Variants in KCNH7 observed in about 807,000 individuals in gnomAD.
KCNH7 encodes potassium voltage-gated channel subfamily H member 7.
Under a neutral mutation model 120.8 loss-of-function variants are expected in KCNH7, and 49 were observed. The ratio of observed to expected loss-of-function variants is 0.41; its 90% CI spans 0.32 to 0.51. KCNH7 has a LOEUF of 0.51. Ranked by LOEUF, KCNH7 falls within the 20% of genes least tolerant of loss-of-function variation. The probability of loss-of-function intolerance (pLI) is 0.38; values close to 1 mark genes in which losing one functional copy is unlikely to be tolerated. For synonymous variants in KCNH7, 547 were observed against 516.1 expected (o/e 1.06, Z -0.81); for missense variants, 1,097 against 1,446.6 (o/e 0.76, Z 3.92).
chr2:162,816,853 A>T (rs1035960671), intron 2 of KCNH7, among the ~76,000 whole-genome samples: 19 of 152,226 alleles, frequency 1.2e-4, no homozygotes, highest in South Asian at 8.3e-4. Context: ...AATGTTGAAA[A>T]TTTTTTTTAA....
At chr2:162,686,169 A>G (rs1267394562) in intron 2 of KCNH7, among the ~76,000 whole-genome samples, 1 of 152,140 alleles carries the variant, frequency 6.6e-6, no homozygotes, top group Non-Finnish European at 1.5e-5. Context: ...CTGTCATCCT[A>G]TATAGTTCTC....
rs544500816 is a variant in KCNH7, at chr2:162,718,687, TTTATA to T, written c.307+117845_307+117849del. 5.8e-4 allele frequency among the ~76,000 whole-genome samples: 89 copies of T among 152,140 alleles called. 1 individual carries two copies. The highest frequency in any genetic ancestry group is 2.1e-3 in the African/African-American group (88 of 41,550). ...GAATGGAACAACACTCATTTTGATA[TTTATA>T]TTATGATATATTTTATGTTTAAAAA... On this transcript the variant is annotated intron_variant, in intron 2 of 15. Transcript: ENST00000332142.
intron 2 of KCNH7, among the ~76,000 whole-genome samples, chr2:162,663,430 A>ATTT (rs1685036139): frequency 2.6e-5 from 4 of 152,176 alleles, no homozygotes; most frequent in African/African-American, 9.7e-5. Flanking sequence ...TGATTTACTA[A>ATTT]TGACAATAAA....
chr2:162,674,088 A>G (rs189337070), intron 2 of KCNH7, among the ~76,000 whole-genome samples: 3 of 152,028 alleles, frequency 2.0e-5, no homozygotes, highest in Admixed American at 2.0e-4. Flanking sequence ...ATGAATTGAA[A>G]AAGAAGAATT....
chr2:162,488,570 C>T lies in KCNH7; in HGVS notation c.1128+15873G>A, dbSNP rs190830221. Among the ~76,000 whole-genome samples the T allele has an allele frequency of 3.3e-4, 50 of 152,224 alleles. No homozygotes were observed. The East Asian group carries it at 8.5e-3, about 26-fold the overall frequency. ...ATCTTGTTCCAGATCTCTTTCCCTCCTAAAAGCTTATAAGTAACAAAACTT... is the reference window on the plus strand; with the variant it reads ...ATCTTGTTCCAGATCTCTTTCCCTCTTAAAAGCTTATAAGTAACAAAACTT... On this transcript the variant is annotated intron_variant, in intron 6 of 15. Coordinates refer to ENST00000332142, the MANE Select transcript of KCNH7 (RefSeq NM_033272.4).
At chr2:162,632,043 T>C (rs1683785819) in intron 2 of KCNH7, among the ~76,000 whole-genome samples, 1 of 151,692 alleles carries the variant, frequency 6.6e-6, no homozygotes, top group African/African-American at 2.4e-5. Flanking sequence ...AAAAGGAAGA[T>C]AAAAAAATGA....
rs1553511726 is a variant in KCNH7, at chr2:162,670,492, A to AAAAAAAAAAAAG, written c.308-133413_308-133412insCTTTTTTTTTTT. Among the ~76,000 whole-genome samples, 2 of 144,862 alleles carry AAAAAAAAAAAAG rather than the reference A, an allele frequency of 1.4e-5. 1 individual carries two copies. Among genetic ancestry groups the AAAAAAAAAAAAG allele is most frequent in the African/African-American group, 5.6e-5 (2 of 36,022 alleles). ...TGTCAAAAAAAAAAAAAAAAAAAAA[A>AAAAAAAAAAAAG]GAAAAATATTGACTGTATAAACAAT... On this transcript the variant is annotated intron_variant, in intron 2 of 15. Transcript: ENST00000332142.
intron 2 of KCNH7, among the ~76,000 whole-genome samples, chr2:162,602,717 T>C (rs1161522889): frequency 6.6e-6 from 1 of 152,090 alleles, no homozygotes; most frequent in Non-Finnish European, 1.5e-5. Context: ...ATAACTCCTA[T>C]GATCATTTCA....
chr2:162,508,574 C>A (rs1469397138), intron 5 of KCNH7, among the ~76,000 whole-genome samples: 1 of 151,372 alleles, frequency 6.6e-6, no homozygotes, highest in East Asian at 1.9e-4. Flanking sequence ...GGCTTAGATT[C>A]CTCTAAGCCC....
intron 9 of KCNH7, among the ~76,000 whole-genome samples, chr2:162,422,401 GC>G (rs1199776573): frequency 4.6e-5 from 7 of 152,146 alleles, no homozygotes; most frequent in African/African-American, 1.7e-4. Flanking sequence ...AAATATGAGT[GC>G]TTTTATTTTC....
At chr2:162,508,905 T>A (rs1405499293) in intron 5 of KCNH7, among the ~76,000 whole-genome samples, 1 of 151,268 alleles carries the variant, frequency 6.6e-6, no homozygotes, top group Non-Finnish European at 1.5e-5. Flanking sequence ...TAGAGGGAAA[T>A]AAGAGATTCA....
At chr2:162,613,505 A>C (rs1683038876) in intron 2 of KCNH7, among the ~76,000 whole-genome samples, 1 of 152,052 alleles carries the variant, frequency 6.6e-6, no homozygotes, top group African/African-American at 2.4e-5. Flanking sequence ...CTGTTGTTGC[A>C]GCCTGTTATT....
At chr2:162,789,577 T>C (rs1265233162) in intron 2 of KCNH7, among the ~76,000 whole-genome samples, 2 of 151,966 alleles carry the variant, frequency 1.3e-5, no homozygotes, top group African/African-American at 2.4e-5. Flanking sequence ...CTAGCACACA[T>C]AGAATGTTAT....
chr2:162,372,004 T>A lies in KCNH7; in HGVS notation c.3416A>T (p.Asn1139Ile), dbSNP rs769428413. Reference protein sequence around the residue: ...GVHLNTASEDNLTSLLKQDSD... With the variant: ...GVHLNTASEDILTSLLKQDSD... ...GTCTTGTTTTAAAAGTGAAGTCAAG[T>A]TGTCTTCTGAAGCTGTGTTCAGATG... Residue 1139 changes from asparagine to isoleucine, a missense_variant, in exon 16 of 16, where the codon AAC (asparagine) becomes ATC (isoleucine). Physicochemically the swap from Asn to Ile is moderately radical, Grantham distance 149. This residue lies in a region of KCNH7 where 406 missense variants were observed against 410.5 expected (regional missense o/e 0.99). Coordinates refer to ENST00000332142, the MANE Select transcript of KCNH7 (RefSeq NM_033272.4). 9 of 1,613,758 alleles carry A rather than the reference T, an allele frequency of 5.6e-6. No individual in the cohort carries two copies. The African/African-American group carries it at 1.1e-4, about 19-fold the overall frequency.
At chr2:162,726,691 A>G (rs1426583185) in intron 2 of KCNH7, among the ~76,000 whole-genome samples, 2 of 152,224 alleles carry the variant, frequency 1.3e-5, no homozygotes, top group African/African-American at 2.4e-5. Context: ...AAGTGCCAGG[A>G]TAACAGCCGT....
intron 5 of KCNH7, among the ~76,000 whole-genome samples, chr2:162,512,194 C>G (rs1409725879): frequency 1.3e-5 from 2 of 151,630 alleles, no homozygotes; most frequent in Admixed American, 1.3e-4. Flanking sequence ...AAGCTGAAAA[C>G]CATACCCCCT....
intron 7 of KCNH7, among the ~76,000 whole-genome samples, chr2:162,443,947 G>A (rs1688501914): frequency 6.6e-6 from 1 of 152,128 alleles, no homozygotes; most frequent in Non-Finnish European, 1.5e-5. Flanking sequence ...ATTTTCACTA[G>A]TGTTTCCTTC....
intron 2 of KCNH7, among the ~76,000 whole-genome samples, chr2:162,767,219 T>G (rs1682852162): frequency 6.6e-6 from 1 of 152,170 alleles, no homozygotes; most frequent in Non-Finnish European, 1.5e-5. Context: ...TAATTGTACA[T>G]GTAGGACACC....
At chr2:162,668,350 C>T (rs979313949) in intron 2 of KCNH7, among the ~76,000 whole-genome samples, 6 of 152,158 alleles carry the variant, frequency 3.9e-5, no homozygotes, top group Non-Finnish European at 7.4e-5. Context: ...CTTAGAGCCT[C>T]AAGAGACTAT....
Sources: gnomAD v4.1 joint callset for allele counts (sites outside exome capture counted in the v4.1 genomes callset) on GRCh38, gnomAD v4.1.1 for gene constraint, gnomAD v4.1.1 regional missense constraint, MANE v1.5 for transcripts, NCBI Gene and HGNC (gene_info 2026-07-23, HGNC 2026-07-21) for gene names.